The following HEXB variants were observed in gnomAD, a reference collection of about 807,000 sequenced individuals.
The protein encoded by HEXB is beta-hexosaminidase subunit beta.
A neutral mutation model predicts 71.2 loss-of-function variants in HEXB; 51 were observed. The observed-to-expected ratio is 0.72, with a 90% CI of 0.57 to 0.90. HEXB has a LOEUF of 0.90. Ranked by LOEUF, HEXB falls within the 40% of genes least tolerant of loss-of-function variation. The probability of loss-of-function intolerance (pLI) is 0.00; values close to 1 mark genes in which losing one functional copy is unlikely to be tolerated. For synonymous variants in HEXB, 266 were observed against 249.3 expected (o/e 1.07, Z -0.63); for missense variants, 617 against 677.0 (o/e 0.91, Z 0.98).
At chr5:74,719,663 G>T (rs1168258954) in intron 11 of HEXB, among the ~76,000 whole-genome samples, 3 of 152,134 alleles carry the variant, frequency 2.0e-5, no homozygotes, top group African/African-American at 7.2e-5. Context: ...GCATTAAGTG[G>T]CTGGGCACGG....
chr5:74,645,103 A>G (rs1747977995), intron 1 of HEXB, among the ~76,000 whole-genome samples: 1 of 151,946 alleles, frequency 6.6e-6, no homozygotes, highest in Non-Finnish European at 1.5e-5. Flanking sequence ...TTGCATCCGA[A>G]TTGGTTTGAT....
chr5:74,720,742 G>T lies in HEXB; in HGVS notation c.1608G>T (p.Met536Ile). 1.2e-6 allele frequency: 2 copies of T among 1,611,698 alleles called. No individual in the cohort carries two copies. Among genetic ancestry groups the T allele is most frequent in the Non-Finnish European group, 1.7e-6 (2 of 1,177,880 alleles). The change falls in exon 13 of 14, where the codon ATG becomes ATT. Residue 536 changes from methionine to isoleucine, a missense_variant. Physicochemically the swap from Met to Ile is conservative, Grantham distance 10 (BLOSUM62 1). Coordinates refer to ENST00000261416, the MANE Select transcript of HEXB (RefSeq NM_000521.4). ...GACTGACAAGGCACCGCTGCAGGAT[G>T]GTCGAGTAAGAAATCTATTAAGTCC... is the stretch of plus-strand genomic sequence containing the variant. ...YDRLTRHRCR[M>I]VERGIAAQPL... is the part of the protein sequence containing the mutation.
intron 1 of HEXB, among the ~76,000 whole-genome samples, chr5:74,645,911 CATT>C (rs1747993789): frequency 6.6e-6 from 1 of 152,000 alleles, no homozygotes; most frequent in Non-Finnish European, 1.5e-5. Flanking sequence ...TAATGACACT[CATT>C]AATCTCCATT....
chr5:74,685,297 ATGCTGCTGGCGC>A lies in HEXB; in HGVS notation c.43_54del (p.Leu17_Ala20del), dbSNP rs1049126813. ...CGGGCTGGGGCTGCCCCGGCCGCCC[ATGCTGCTGGCGC>A]TGCTGTTGGCGACACTGCTGGCGGC... On this transcript the variant is annotated inframe_deletion, in exon 1 of 14. Coordinates refer to ENST00000261416, the MANE Select transcript of HEXB (RefSeq NM_000521.4). 19 of 1,557,342 alleles carry A rather than the reference ATGCTGCTGGCGC, an allele frequency of 1.2e-5. 1 individual carries two copies. The East Asian group carries it at 2.9e-4, about 24-fold the overall frequency.
At chr5:74,659,655 G>A (rs1748282998) in intron 1 of HEXB, among the ~76,000 whole-genome samples, 1 of 152,166 alleles carries the variant, frequency 6.6e-6, no homozygotes, top group African/African-American at 2.4e-5. Flanking sequence ...TGGAGAATAA[G>A]CCCAGCTCAT....
Position 74,705,297 on chromosome 5 carries a change from A to C in HEXB, c.748A>C (p.Thr250Pro). The C allele has an allele frequency of 6.2e-7, 1 of 1,600,674 alleles. No homozygotes were observed. Among genetic ancestry groups the C allele is most frequent in the Non-Finnish European group, 8.6e-7 (1 of 1,167,846 alleles). Residue 250 changes from threonine to proline, a missense_variant, in exon 6 of 14, where the codon ACT (threonine) becomes CCT (proline). Coordinates refer to ENST00000261416, the MANE Select transcript of HEXB (RefSeq NM_000521.4). ...CCAGTCTTTCCCATATCAGAGCATC[A>C]CTTTTCCTGAGTTAAGCAATAAAGT... ...DDQSFPYQSI[T>P]FPELSNKGSY...
chr5:74,700,793 C>T (rs539182122), intron 5 of HEXB, among the ~76,000 whole-genome samples: 22 of 152,148 alleles, frequency 1.4e-4, no homozygotes, highest in East Asian at 1.2e-3. Flanking sequence ...CTGCAACCTC[C>T]GCCTCTCAGA....
chr5:74,715,408 AT>A, intron 7 of HEXB, 101 bp from the exon 8 acceptor site: 1 of 815,214 alleles, frequency 1.2e-6, no homozygotes, highest in Admixed American at 2.2e-5. Flanking sequence ...TGTGTATAAA[AT>A]CTTGTAGCTT....
Position 74,716,650 on chromosome 5 carries a change from A to C in HEXB, c.1146A>C (p.Lys382Asn). 6.2e-7 allele frequency: 1 copy of C among 1,605,580 alleles called. No individual in the cohort carries two copies. Among genetic ancestry groups the C allele is most frequent in the Non-Finnish European group, 8.5e-7 (1 of 1,174,372 alleles). ...AAGGCTTTGGCACAGATTTTAAGAA[A>C]CTAGAATCTTTCTACATTCAAAAGT... ...RQKGFGTDFK[K>N]LESFYIQKVL... is the part of the protein sequence containing the mutation. Residue 382 changes from lysine to asparagine, a missense_variant, in exon 9 of 14, where the codon AAA becomes AAC. Lys to Asn is a moderately conservative substitution (Grantham distance 94). Transcript: ENST00000261416.
intron 1 of HEXB, among the ~76,000 whole-genome samples, chr5:74,654,207 G>A (rs1748174681): frequency 1.7e-5 from 1 of 59,218 alleles, no homozygotes; most frequent in South Asian, 5.4e-4. Context: ...CTCCAAGACA[G>A]CAGGTATTTA....
chr5:74,696,140 A>G (rs1749108538), intron 3 of HEXB, among the ~76,000 whole-genome samples: 1 of 152,244 alleles, frequency 6.6e-6, no homozygotes, highest in South Asian at 2.1e-4. Flanking sequence ...AATAAAGTCA[A>G]GGCCAGTTAG....
chr5:74,700,001 C>CTT (rs58177670), intron 5 of HEXB, among the ~76,000 whole-genome samples: 521 of 40,364 alleles, frequency 0.013, 14 homozygotes, highest in Middle Eastern at 0.028. Context: ...TGTAAGTTTC[C>CTT]TTTTTTTTTT....
chr5:74,707,880 A>G (rs1428691033), intron 6 of HEXB, among the ~76,000 whole-genome samples: 1 of 152,266 alleles, frequency 6.6e-6, no homozygotes, highest in African/African-American at 2.4e-5. Flanking sequence ...GATATTATCC[A>G]GGAGAATTTC....
chr5:74,704,175 A>G (rs1399206574), intron 5 of HEXB, among the ~76,000 whole-genome samples: 5 of 152,210 alleles, frequency 3.3e-5, no homozygotes, highest in African/African-American at 1.2e-4. Context: ...AATAAGCTCA[A>G]TTCCAGTTAA....
intron 1 of HEXB, among the ~76,000 whole-genome samples, chr5:74,650,738 G>A (rs922254047): frequency 2.0e-5 from 3 of 151,704 alleles, no homozygotes; most frequent in African/African-American, 4.9e-5. Flanking sequence ...GGGCTAACAC[G>A]GTGAAGTCCC....
chr5:74,708,985 A>G (rs1749473225), intron 6 of HEXB, among the ~76,000 whole-genome samples: 2 of 152,178 alleles, frequency 1.3e-5, no homozygotes, highest in Admixed American at 1.3e-4. Context: ...TCAACAGAAG[A>G]TACATTTTTT....
chr5:74,664,435 A>T (rs1350510727), intron 1 of HEXB, among the ~76,000 whole-genome samples: 8 of 74,992 alleles, frequency 1.1e-4, no homozygotes, highest in South Asian at 4.3e-4. Flanking sequence ...ATCTCTAAAA[A>T]AAAAAAAAAA....
At chr5:74,700,371 T>C (rs988395018) in intron 5 of HEXB, among the ~76,000 whole-genome samples, 1 of 152,128 alleles carries the variant, frequency 6.6e-6, no homozygotes, top group African/African-American at 2.4e-5. Flanking sequence ...ATTGGTTTAA[T>C]GTTTTAATGT....
intron 1 of HEXB, among the ~76,000 whole-genome samples, chr5:74,678,668 A>G (rs1270402715): frequency 6.6e-6 from 1 of 152,200 alleles, no homozygotes; most frequent in Non-Finnish European, 1.5e-5. Flanking sequence ...AATCCTAATC[A>G]GGACAAATCC....
Sources: allele counts gnomAD v4.1 joint callset (sites outside exome capture counted in the v4.1 genomes callset), GRCh38; gene constraint gnomAD v4.1.1; transcripts MANE v1.5; gene names NCBI Gene and HGNC (gene_info 2026-07-23, HGNC 2026-07-21).